Variants in NRXN3 observed in about 807,000 individuals in gnomAD.
NRXN3 encodes neurexin III.
NRXN3 carries 32 observed loss-of-function variants against 137.6 expected under a neutral mutation model. The ratio of observed to expected loss-of-function variants is 0.23; its 90% CI spans 0.18 to 0.31. The LOEUF (loss-of-function observed/expected upper bound fraction) is 0.31. Ranked by LOEUF, NRXN3 falls within the 10% of genes least tolerant of loss-of-function variation. The probability of loss-of-function intolerance (pLI) is 1.00; values close to 1 mark genes in which losing one functional copy is unlikely to be tolerated. For synonymous variants in NRXN3, 798 were observed against 784.5 expected (o/e 1.02, Z -0.29); for missense variants, 1,574 against 2,062.5 (o/e 0.76, Z 4.59).
At chr14:78,524,554 G>A (rs1307613514) in intron 4 of NRXN3, among the ~76,000 whole-genome samples, 4 of 152,018 alleles carry the variant, frequency 2.6e-5, no homozygotes, top group African/African-American at 9.7e-5. Flanking sequence ...TTAGTGTAGG[G>A]TGCAGGAATT....
chr14:79,702,620 T>C (rs2098758952), intron 19 of NRXN3, among the ~76,000 whole-genome samples: 1 of 151,702 alleles, frequency 6.6e-6, no homozygotes, highest in African/African-American at 2.4e-5. Context: ...AGTTTGTGAG[T>C]AGCAAGGGGT....
intron 15 of NRXN3, among the ~76,000 whole-genome samples, chr14:79,237,485 A>G (rs535061099): frequency 1.3e-5 from 2 of 152,034 alleles, no homozygotes; most frequent in Non-Finnish European, 2.9e-5. Flanking sequence ...ATCTTAGGTG[A>G]TATGCTGTGG....
intron 20 of NRXN3, among the ~76,000 whole-genome samples, chr14:79,851,814 C>T (rs1201502325): frequency 6.6e-6 from 1 of 152,158 alleles, no homozygotes; most frequent in Non-Finnish European, 1.5e-5. Flanking sequence ...CGTGTGCATA[C>T]ATGTGAGAGG....
At chr14:78,514,177 A>G (rs532214020) in intron 4 of NRXN3, among the ~76,000 whole-genome samples, 1 of 152,272 alleles carries the variant, frequency 6.6e-6, no homozygotes, top group South Asian at 2.1e-4. Context: ...TCTCTCTAGT[A>G]AACAGTTCCA....
At chr14:79,575,709 C>T (rs1404633041) in intron 16 of NRXN3, among the ~76,000 whole-genome samples, 2 of 152,110 alleles carry the variant, frequency 1.3e-5, no homozygotes, top group Admixed American at 1.3e-4. Context: ...CATTACCCCT[C>T]AGTGAAATGA....
chr14:79,785,349 G>C (rs2099126326), intron 19 of NRXN3, among the ~76,000 whole-genome samples: 1 of 152,122 alleles, frequency 6.6e-6, no homozygotes, highest in Non-Finnish European at 1.5e-5. Context: ...GGCTGTATAT[G>C]CATGTTCATT....
intron 8 of NRXN3, among the ~76,000 whole-genome samples, chr14:78,757,454 T>A (rs1008347310): frequency 6.6e-6 from 1 of 150,460 alleles, no homozygotes; most frequent in East Asian, 1.9e-4. Flanking sequence ...TTAGCAATCA[T>A]GTACCTCCCA....
At chr14:79,132,835 G>A (rs146966008) in intron 15 of NRXN3, among the ~76,000 whole-genome samples, 37 of 152,342 alleles carry the variant, frequency 2.4e-4, no homozygotes, top group African/African-American at 6.5e-4. Flanking sequence ...GTTGAGCTGC[G>A]ATGCAGGCCC....
At chr14:79,728,778 C>T (rs941762022) in intron 19 of NRXN3, among the ~76,000 whole-genome samples, 10 of 152,246 alleles carry the variant, frequency 6.6e-5, no homozygotes, top group East Asian at 3.9e-4. Context: ...TAATTAATCT[C>T]GTACGGGGGA....
At chr14:79,142,343 T>C (rs2058873001) in intron 15 of NRXN3, among the ~76,000 whole-genome samples, 1 of 151,878 alleles carries the variant, frequency 6.6e-6, no homozygotes, top group Non-Finnish European at 1.5e-5. Flanking sequence ...GGAGAATTGC[T>C]TGAACCCGGG....
intron 10 of NRXN3, among the ~76,000 whole-genome samples, chr14:78,873,915 C>A (rs1257299884): frequency 6.6e-6 from 1 of 151,790 alleles, no homozygotes; most frequent in Non-Finnish European, 1.5e-5. Context: ...AGGGTTAATG[C>A]ATAGGAATTT....
At chr14:78,271,372 C>T (rs543652872) in intron 2 of NRXN3, among the ~76,000 whole-genome samples, 2 of 152,008 alleles carry the variant, frequency 1.3e-5, no homozygotes, top group South Asian at 4.2e-4. Flanking sequence ...GGACCATGAA[C>T]CTAAGAAATT....
At chr14:79,169,193 C>G (rs1052601136) in intron 15 of NRXN3, among the ~76,000 whole-genome samples, 16 of 152,040 alleles carry the variant, frequency 1.1e-4, no homozygotes, top group Non-Finnish European at 2.1e-4. Flanking sequence ...AGATTTTCTG[C>G]CTTTCACAGC....
intron 10 of NRXN3, among the ~76,000 whole-genome samples, chr14:78,931,083 A>C: frequency 6.6e-6 from 1 of 152,218 alleles, no homozygotes; most frequent in Admixed American, 6.5e-5. Flanking sequence ...TGTGGTCAGG[A>C]ACCATGTCCC....
At chr14:78,584,041 T>C (rs2097032986) in intron 4 of NRXN3, among the ~76,000 whole-genome samples, 1 of 152,160 alleles carries the variant, frequency 6.6e-6, no homozygotes, top group African/African-American at 2.4e-5. Flanking sequence ...TTGAGGAAAC[T>C]GAAACACAAA....
At chr14:79,227,778 CT>C (rs2071260527) in intron 15 of NRXN3, among the ~76,000 whole-genome samples, 1 of 128,464 alleles carries the variant, frequency 7.8e-6, no homozygotes. Context: ...TCCTTCCTTC[CT>C]TCCTTCCCTC....
At chr14:79,273,688 G>T (rs1316654943) in intron 15 of NRXN3, among the ~76,000 whole-genome samples, 1 of 151,976 alleles carries the variant, frequency 6.6e-6, no homozygotes, top group Non-Finnish European at 1.5e-5. Flanking sequence ...ATTTTTGTGT[G>T]TCGGGTACTA....
At chr14:79,501,542 C>G (rs2096826518) in intron 16 of NRXN3, among the ~76,000 whole-genome samples, 1 of 152,114 alleles carries the variant, frequency 6.6e-6, no homozygotes, top group Admixed American at 6.5e-5. Flanking sequence ...GGAAGGGCCA[C>G]TGGAAGTCCT....
chr14:78,456,906 T>C (rs906491735), intron 4 of NRXN3, among the ~76,000 whole-genome samples: 4 of 148,286 alleles, frequency 2.7e-5, no homozygotes, highest in East Asian at 3.9e-4. Flanking sequence ...TCATTCCTCC[T>C]TCCTTCCTTC....
Sources: gnomAD v4.1 joint callset for allele counts (sites outside exome capture counted in the v4.1 genomes callset) on GRCh38, gnomAD v4.1.1 for gene constraint, MANE v1.5 for transcripts, NCBI Gene and HGNC (gene_info 2026-07-23, HGNC 2026-07-21) for gene names.